TAFA4: variants seen among roughly 807,000 people sequenced by gnomAD.
The protein encoded by TAFA4 is chemokine-like protein TAFA-4.
In TAFA4, 20 loss-of-function variants were observed where a neutral mutation model predicts 21.1. That is an observed-to-expected ratio of 0.95 (90% CI 0.67 to 1.38). The LOEUF (loss-of-function observed/expected upper bound fraction) is 1.38. TAFA4 is among the 40% of genes most tolerant of loss of function. The pLI, the probability that TAFA4 is intolerant of heterozygous loss-of-function variation, is 0.00. For missense variants in TAFA4, 211 were observed against 180.9 expected (o/e 1.17, Z -0.95); for synonymous variants, 71 against 67.4 (o/e 1.05, Z -0.26).
chr3:68,884,747 C>A (rs1445272378), intron 2 of TAFA4, among the ~76,000 whole-genome samples: 1 of 152,214 alleles, frequency 6.6e-6, no homozygotes, highest in Non-Finnish European at 1.5e-5. Context: ...CATTCCAAAT[C>A]CTGGGCAATG....
chr3:68,862,137 C>T (rs1430927313), intron 3 of TAFA4, among the ~76,000 whole-genome samples: 1 of 151,888 alleles, frequency 6.6e-6, no homozygotes, highest in African/African-American at 2.4e-5. Context: ...TCTGATGATG[C>T]CACTAGATGT....
intron 3 of TAFA4, among the ~76,000 whole-genome samples, chr3:68,759,236 T>C (rs1187037567): frequency 1.3e-5 from 2 of 152,154 alleles, no homozygotes; most frequent in Non-Finnish European, 1.5e-5. Context: ...CCACCTACAT[T>C]TGAAAGGGCC....
chr3:68,737,176 A>AC (rs772798885), intron 5 of TAFA4, among the ~76,000 whole-genome samples: 47 of 152,186 alleles, frequency 3.1e-4, no homozygotes, highest in Non-Finnish European at 1.0e-4. Flanking sequence ...TCCTTAGCCT[A>AC]CAAGAAATAC....
intron 5 of TAFA4, among the ~76,000 whole-genome samples, chr3:68,736,093 G>A (rs182199692): frequency 6.6e-6 from 1 of 152,170 alleles, no homozygotes; most frequent in Non-Finnish European, 1.5e-5. Context: ...AGTCTAAAAT[G>A]TCTTAAGATT....
intron 3 of TAFA4, among the ~76,000 whole-genome samples, chr3:68,871,462 A>T (rs2089482348): frequency 6.6e-6 from 1 of 152,188 alleles, no homozygotes; most frequent in African/African-American, 2.4e-5. Flanking sequence ...CTAACACCTG[A>T]AACTATGAAA....
chr3:68,838,168 C>CA (rs1251189987), intron 3 of TAFA4, among the ~76,000 whole-genome samples: 4 of 151,964 alleles, frequency 2.6e-5, no homozygotes, highest in Non-Finnish European at 4.4e-5. Context: ...AAAGTAACAG[C>CA]AAAAAACCCA....
chr3:68,903,188 C>T (rs1246878041), intron 1 of TAFA4, among the ~76,000 whole-genome samples: 3 of 152,094 alleles, frequency 2.0e-5, no homozygotes, highest in African/African-American at 4.8e-5. Context: ...GGGTCGCCCA[C>T]CCACCTAGAA....
rs1463802761 is a variant in TAFA4 at position 68,733,018 on chromosome 3, A to T, written c.*124T>A. The T allele has an allele frequency of 7.8e-7, 1 of 1,287,944 alleles. No homozygotes were observed. The highest frequency in any genetic ancestry group is 1.5e-5 in the African/African-American group (1 of 67,890). The allele number at this position is 1,287,944 out of a possible 1,614,324, so 79.8% of individuals were successfully genotyped here. On this transcript the variant is annotated 3_prime_UTR_variant, in exon 6 of 6. Transcript: ENST00000295569. ...GTGAATGCCACCTCTCACAGCTCAC[A>T]TATACAAATATGAAGTTGCTGAAAT...
At chr3:68,853,781 TACTATCTGTGTG>T (rs1193554326) in intron 3 of TAFA4, among the ~76,000 whole-genome samples, 2 of 152,316 alleles carry the variant, frequency 1.3e-5, no homozygotes, top group Non-Finnish European at 2.9e-5. Flanking sequence ...ATCCTCCACT[TACTATCTGTGTG>T]ACTTTTGGCT....
intron 1 of TAFA4, among the ~76,000 whole-genome samples, chr3:68,918,526 T>A (rs13090793): frequency 6.6e-6 from 1 of 152,170 alleles, no homozygotes; most frequent in Non-Finnish European, 1.5e-5. Context: ...ATTCCTAAAT[T>A]ATAAAACTTC....
intron 3 of TAFA4, among the ~76,000 whole-genome samples, chr3:68,779,381 A>G (rs570343690): frequency 6.6e-6 from 1 of 152,244 alleles, no homozygotes; most frequent in African/African-American, 2.4e-5. Context: ...CCGAATGTTA[A>G]TCACCAAGAC....
intron 3 of TAFA4, among the ~76,000 whole-genome samples, chr3:68,860,958 G>T (rs2089332519): frequency 6.6e-6 from 1 of 151,302 alleles, no homozygotes; most frequent in Admixed American, 6.6e-5. Context: ...CTCACACACA[G>T]TTTCTGGGAC....
chr3:68,810,987 A>C (rs924522293), intron 3 of TAFA4, among the ~76,000 whole-genome samples: 3 of 152,140 alleles, frequency 2.0e-5, no homozygotes, highest in African/African-American at 7.2e-5. Context: ...CCAGAGGAAC[A>C]ATCAGGCTGC....
At position 68,745,362 on chromosome 3, in the gene TAFA4, T is replaced by C. The variant is rs1319282504; in HGVS notation, c.287-6163A>G. 2.0e-5 allele frequency among the ~76,000 whole-genome samples: 3 copies of C among 152,220 alleles called. No homozygotes were observed. The East Asian group carries it at 5.8e-4, about 29-fold the overall frequency. On this transcript the variant is annotated intron_variant, in intron 4 of 5. Coordinates refer to ENST00000295569, the MANE Select transcript of TAFA4 (RefSeq NM_182522.5). ...AGGAGGCATAGATATTTTTTTCCTG[T>C]TACAAAATATCATAATACACTTTAA...
At chr3:68,815,114 T>C (rs948495677) in intron 3 of TAFA4, among the ~76,000 whole-genome samples, 2 of 152,186 alleles carry the variant, frequency 1.3e-5, no homozygotes, top group African/African-American at 2.4e-5. Flanking sequence ...TAGCCATATG[T>C]AGAAAGCTGA....
chr3:68,886,100 A>G (rs1309768603), intron 1 of TAFA4, among the ~76,000 whole-genome samples: 1 of 152,220 alleles, frequency 6.6e-6, no homozygotes, highest in Non-Finnish European at 1.5e-5. Flanking sequence ...CAAGTTGCAA[A>G]TATAACATAA....
Position 68,764,122 on chromosome 3 carries a change from T to C in TAFA4, c.131-11104A>G, listed in dbSNP as rs111322257. On this transcript the variant is annotated intron_variant, in intron 3 of 5. Transcript: ENST00000295569. ...CCCTCAGTAGGATTGTATTTGGAGA[T>C]AGAGCTTTAGTGGGGTAATTAAGGT... Among the ~76,000 whole-genome samples, 1,002 of 152,170 alleles carry C rather than the reference T, an allele frequency of 6.6e-3. 10 individuals are homozygous for C. Among genetic ancestry groups the C allele is most frequent in the African/African-American group, 0.023 (934 of 41,492 alleles).
chr3:68,848,737 G>C (rs1704871014), intron 3 of TAFA4, among the ~76,000 whole-genome samples: 1 of 152,092 alleles, frequency 6.6e-6, no homozygotes, highest in African/African-American at 2.4e-5. Context: ...ATAGAAATCT[G>C]TCCTGCACCA....
Position 68,872,656 on chromosome 3 carries a change from C to T in TAFA4, c.130+8074G>A, listed in dbSNP as rs2089497355. Among the ~76,000 whole-genome samples, 4 of 152,100 alleles carry T rather than the reference C, an allele frequency of 2.6e-5. No individual in the cohort carries two copies. The South Asian group carries it at 8.3e-4, about 31-fold the overall frequency. ...ATTGTATATATGTATCAAAATATCA[C>T]ATGTACCCCAAAGATATGCACAACT... On this transcript the variant is annotated intron_variant, in intron 3 of 5. Coordinates refer to ENST00000295569, the MANE Select transcript of TAFA4 (RefSeq NM_182522.5).
Sources: allele counts gnomAD v4.1 joint callset (sites outside exome capture counted in the v4.1 genomes callset), GRCh38; gene constraint gnomAD v4.1.1; transcripts MANE v1.5; gene names NCBI Gene and HGNC (gene_info 2026-07-23, HGNC 2026-07-21).